Variants in KIAA1549L observed in about 807,000 individuals in gnomAD.
The protein encoded by KIAA1549L is UPF0606 protein KIAA1549L.
In KIAA1549L, 88 loss-of-function variants were observed where a neutral mutation model predicts 160.7. The observed-to-expected ratio is 0.55, with a 90% CI of 0.46 to 0.65. The LOEUF is 0.65. Among genes scored for constraint, KIAA1549L ranks in the 30% least tolerant of loss-of-function variants. The pLI is 0.00. For missense variants in KIAA1549L, 2,258 were observed against 2,437.5 expected (o/e 0.93, Z 1.55); for synonymous variants, 950 against 976.7 (o/e 0.97, Z 0.51).
chr11:33,520,703 ACACAC>A, intron 1 of KIAA1549L, among the ~76,000 whole-genome samples: 1 of 141,014 alleles, frequency 7.1e-6, no homozygotes, highest in African/African-American at 2.7e-5. Context: ...ACACACACAC[ACACAC>A]ACACACACAC....
chr11:33,465,046 CTTTTTTTTT>C (rs1008261470), intron 1 of KIAA1549L, among the ~76,000 whole-genome samples: 6 of 79,004 alleles, frequency 7.6e-5, no homozygotes, highest in Middle Eastern at 9.6e-3. Flanking sequence ...GGACCTTCTT[CTTTTTTTTT>C]TTTTTTTTTT....
At chr11:33,647,475 T>C (rs2133409824) in intron 17 of KIAA1549L, among the ~76,000 whole-genome samples, 1 of 152,318 alleles carries the variant, frequency 6.6e-6, no homozygotes, top group East Asian at 1.9e-4. Context: ...TGAAAGCTTC[T>C]GTAATTTACA....
At chr11:33,538,593 T>TA in intron 1 of KIAA1549L, among the ~76,000 whole-genome samples, 1 of 152,236 alleles carries the variant, frequency 6.6e-6, no homozygotes, top group African/African-American at 2.4e-5. Context: ...TTTTAAAAAT[T>TA]CAACCTATAA....
In KIAA1549L at chr11:33,445,717, T is replaced by C. The variant is rs142411209; in HGVS notation, c.238+68828T>C. ...ATCTCTTTGTGCTTCAGTTCCCTCA[T>C]TGTCAGCGTGGGGACAGTAGTGCCT... On this transcript the variant is annotated intron_variant, in intron 1 of 20. Coordinates refer to ENST00000658780, the MANE Select transcript of KIAA1549L (RefSeq NM_012194.3). Among the ~76,000 whole-genome samples, 488 of 152,328 alleles carry C rather than the reference T, an allele frequency of 3.2e-3. 2 individuals carry two copies. The highest frequency in any genetic ancestry group is 0.011 in the African/African-American group (456 of 41,576).
intron 1 of KIAA1549L, among the ~76,000 whole-genome samples, chr11:33,447,462 C>A (rs995477572): frequency 6.9e-6 from 1 of 145,480 alleles, no homozygotes; most frequent in Non-Finnish European, 1.5e-5. Flanking sequence ...GTCTCCACAT[C>A]CATCCATCCA....
At chr11:33,503,663 T>A (rs1853006671) in intron 1 of KIAA1549L, among the ~76,000 whole-genome samples, 1 of 152,248 alleles carries the variant, frequency 6.6e-6, no homozygotes, top group Non-Finnish European at 1.5e-5. Context: ...ATTCCCATTA[T>A]ATAAAGTGAA....
intron 17 of KIAA1549L, among the ~76,000 whole-genome samples, chr11:33,655,291 CAGCAGCCCTCTG>C (rs1564944057): frequency 6.6e-6 from 1 of 152,168 alleles, no homozygotes; most frequent in Non-Finnish European, 1.5e-5. Context: ...CTGATCTTCT[CAGCAGCCCTCTG>C]AGCAAGCATT....
intron 1 of KIAA1549L, among the ~76,000 whole-genome samples, chr11:33,533,226 G>A (rs909677848): frequency 2.0e-5 from 3 of 152,168 alleles, no homozygotes; most frequent in African/African-American, 7.2e-5. Flanking sequence ...CACAGCCCGG[G>A]TCTGAGTCTT....
rs756960413 is a variant in KIAA1549L at position 33,606,857 on chromosome 11, C to T, written c.5061+35C>T. ...TGGAGACCCAGGGCAGGAGATGGTCCGGCCAGACTTGGGAAATTCGGACGA... is the reference window on the plus strand; with the variant it reads ...TGGAGACCCAGGGCAGGAGATGGTCTGGCCAGACTTGGGAAATTCGGACGA... On this transcript the variant is annotated intron_variant, in intron 14 of 20. Coordinates refer to ENST00000658780, the MANE Select transcript of KIAA1549L (RefSeq NM_012194.3). 11 of 1,541,120 alleles carry T rather than the reference C, an allele frequency of 7.1e-6. 1 individual carries two copies. Among genetic ancestry groups the T allele is most frequent in the South Asian group, 2.4e-5 (2 of 82,982 alleles).
At chr11:33,404,885 G>A (rs1484286359) in intron 1 of KIAA1549L, among the ~76,000 whole-genome samples, 1 of 151,608 alleles carries the variant, frequency 6.6e-6, no homozygotes. Flanking sequence ...TGGCATGCCT[G>A]TAATCCCAGC....
At chr11:33,440,161 G>T (rs1245122692) in intron 1 of KIAA1549L, among the ~76,000 whole-genome samples, 1 of 87,400 alleles carries the variant, frequency 1.1e-5, no homozygotes, top group Non-Finnish European at 2.4e-5. Flanking sequence ...ACGGAGTCTC[G>T]CTCTGTCGCC....
intron 1 of KIAA1549L, among the ~76,000 whole-genome samples, chr11:33,387,989 A>G (rs1247380275): frequency 6.6e-6 from 1 of 152,232 alleles, no homozygotes; most frequent in Non-Finnish European, 1.5e-5. Flanking sequence ...ATATAGGCCT[A>G]TCTTCAATCT....
chr11:33,403,843 G>A (rs1053490800), intron 1 of KIAA1549L, among the ~76,000 whole-genome samples: 11 of 152,142 alleles, frequency 7.2e-5, no homozygotes, highest in Admixed American at 3.3e-4. Flanking sequence ...TGAGGAGAGA[G>A]CTATAAATCC....
rs938450558 is a variant in KIAA1549L at position 33,654,012 on chromosome 11, A to G, written c.5761-2000A>G. ...TTTTTAGACGGAGTCTTGCTCTGTC[A>G]TCCAGGCTGGAGTGCAGTGGCGTGA... On this transcript the variant is annotated intron_variant, in intron 17 of 20. Coordinates refer to ENST00000658780, the MANE Select transcript of KIAA1549L (RefSeq NM_012194.3). Among the ~76,000 whole-genome samples, 10 of 151,298 alleles carry G rather than the reference A, an allele frequency of 6.6e-5. No individual in the cohort carries two copies. The East Asian group carries it at 1.6e-3, about 24-fold the overall frequency.
At chr11:33,431,081 C>T (rs565934819) in intron 1 of KIAA1549L, among the ~76,000 whole-genome samples, 16 of 151,688 alleles carry the variant, frequency 1.1e-4, no homozygotes, top group African/African-American at 3.6e-4. Flanking sequence ...GCGGTGAGTG[C>T]TACAGCTCTT....
chr11:33,510,729 A>T (rs1384725494), intron 1 of KIAA1549L, among the ~76,000 whole-genome samples: 1 of 152,160 alleles, frequency 6.6e-6, no homozygotes, highest in Admixed American at 6.5e-5. Flanking sequence ...TGAGGCTGTG[A>T]CCTCCTGGGG....
In KIAA1549L at chr11:33,658,820, G is replaced by C; in HGVS notation, c.5929G>C (p.Asp1977His). The C allele has an allele frequency of 6.4e-7, 1 of 1,566,708 alleles. No individual in the cohort carries two copies. The highest frequency in any genetic ancestry group is 8.7e-7 in the Non-Finnish European group (1 of 1,155,964). Residue 1977 changes from aspartate to histidine, a missense_variant, in exon 19 of 21, where the codon GAC (aspartate) becomes CAC (histidine). By Grantham distance (81) the Asp-to-His change is moderately conservative. Transcript: ENST00000658780. ...STGPEPAQLH[D>H]SASFTQMSRG... ...AGGGCCCGAGCCGGCCCAGCTGCAC[G>C]ACAGCGCCTCCTTCACGCAGATGTC...
In KIAA1549L at chr11:33,645,931, G is replaced by A. The variant is rs929035341; in HGVS notation, c.5655G>A (p.Ser1885=). The change falls in exon 17 of 21, where the codon TCG becomes TCA. Residue 1885 remains serine (S), a synonymous_variant. Coordinates refer to ENST00000658780, the MANE Select transcript of KIAA1549L (RefSeq NM_012194.3). ...AYGSAQHLPY[S]EVVTSAPGTM... ...GCTCAGCCCAGCACCTGCCCTATTC[G>A]GAGGTGGTGACCAGCGCTCCGGGGA... is the stretch of plus-strand genomic sequence containing the variant. 9 of 1,613,014 alleles carry A rather than the reference G, an allele frequency of 5.6e-6. No homozygotes were observed. The highest frequency in any genetic ancestry group is 1.3e-5 in the African/African-American group (1 of 74,916).
intron 16 of KIAA1549L, among the ~76,000 whole-genome samples, chr11:33,635,632 G>T (rs1010744053): frequency 1.3e-5 from 2 of 151,630 alleles, no homozygotes; most frequent in Non-Finnish European, 2.9e-5. Context: ...AGAATAAGTG[G>T]CCTCAAGAGC....
Sources: gnomAD v4.1 joint callset for allele counts (sites outside exome capture counted in the v4.1 genomes callset) on GRCh38, gnomAD v4.1.1 for gene constraint, MANE v1.5 for transcripts, NCBI Gene and HGNC (gene_info 2026-07-23, HGNC 2026-07-21) for gene names.